Variants in LMAN2 observed in about 807,000 individuals in gnomAD.
The protein encoded by LMAN2 is lectin, mannose binding 2.
LMAN2 carries 22 observed loss-of-function variants against 39.3 expected under a neutral mutation model. That is an observed-to-expected ratio of 0.56 (90% CI 0.40 to 0.80). The LOEUF (loss-of-function observed/expected upper bound fraction) is 0.80. LMAN2 is among the 30% of genes least tolerant of loss of function. The pLI, the probability that LMAN2 is intolerant of heterozygous loss-of-function variation, is 0.00. For missense variants in LMAN2, 494 were observed against 505.4 expected (o/e 0.98, Z 0.22); for synonymous variants, 207 against 207.8 (o/e 1.00, Z 0.03).
Position 177,337,120 on chromosome 5 carries a change from G to T in LMAN2, c.790+16C>A. On this transcript the variant is annotated intron_variant, in intron 6 of 7. Coordinates refer to ENST00000303127, the MANE Select transcript of LMAN2 (RefSeq NM_006816.3). This position sits in a 1 kb window ranked among gnomAD's most constrained non-coding sequence, Gnocchi z 8.2. Reference sequence around the variant, plus strand: ...TGAGCTGGGCTGGGAACCAACGCCTGGCCCGGCCCACTCACCAGACAGGTC... The same window carrying T: ...TGAGCTGGGCTGGGAACCAACGCCTTGCCCGGCCCACTCACCAGACAGGTC... The T allele has an allele frequency of 6.3e-7, 1 of 1,595,554 alleles. No individual in the cohort carries two copies. The highest frequency in any genetic ancestry group is 8.6e-7 in the Non-Finnish European group (1 of 1,165,854).
Position 177,332,452 on chromosome 5 carries a change from G to A in LMAN2, c.911-206C>T, listed in dbSNP as rs1761403767. Among the ~76,000 whole-genome samples the A allele has an allele frequency of 6.6e-6, 1 of 152,152 alleles. No individual in the cohort carries two copies. The highest frequency in any genetic ancestry group is 2.4e-5 in the African/African-American group (1 of 41,426). The stretch of plus-strand genomic sequence containing the variant: ...CCCAGGGCAGGGTGGGGCAGAGAGA[G>A]GACCAAGCCCACAGGGACCCGGGAC... On this transcript the variant is annotated intron_variant, in intron 7 of 7. Coordinates refer to ENST00000303127, the MANE Select transcript of LMAN2 (RefSeq NM_006816.3). This position sits in a 1 kb window ranked among gnomAD's most constrained non-coding sequence, Gnocchi z 6.3.
intron 1 of LMAN2, 59 bp downstream of exon 1, chr5:177,351,393 C>A (rs1194762785): frequency 3.6e-5 from 57 of 1,604,046 alleles, no homozygotes; most frequent in Non-Finnish European, 4.7e-5. Flanking sequence ...GCACGCCTTC[C>A]CCTAGCCCTG....
intron 2 of LMAN2, among the ~76,000 whole-genome samples, chr5:177,343,609 A>C (rs974474618): frequency 2.1e-5 from 3 of 144,482 alleles, no homozygotes; most frequent in Admixed American, 6.7e-5. Flanking sequence ...ATTACTCAGC[A>C]ACAAAAAGGA....
chr5:177,337,403 T>A lies in LMAN2; in HGVS notation c.635A>T (p.Asp212Val). 6.2e-7 allele frequency: 1 copy of A among 1,612,782 alleles called. No homozygotes were observed. The highest frequency in any genetic ancestry group is 1.1e-5 in the South Asian group (1 of 91,066). ...GGAGTAGCGCACAGCCAGGAAGGTG[T>A]CGTGATCGCGGTTGCGGAAGTCAGC... ...CTADFRNRDHDTFLAVRYSRG... is the reference protein window; with the variant it reads ...CTADFRNRDHVTFLAVRYSRG... Residue 212 changes from aspartate (D) to valine (V), a missense_variant, in exon 5 of 8, where the codon GAC becomes GTC. Physicochemically the swap from Asp to Val is radical, Grantham distance 152. Transcript: ENST00000303127. The surrounding 1 kb of genome is among the most constrained non-coding windows in gnomAD (Gnocchi z 8.2).
rs137981397 is a variant in LMAN2, at chr5:177,332,185, G to A, written c.972C>T (p.Phe324=). The part of the protein sequence containing the change: ...RSGPLTGWRV[F]LLLLCALLGI... ...CCAGGAGAGCGCACAGCAGCAGCAG[G>A]AACACCCGCCACCCCGTCAGGGGCC... Residue 324 remains phenylalanine (F), a synonymous_variant, in exon 8 of 8, where the codon TTC becomes TTT. Coordinates refer to ENST00000303127, the MANE Select transcript of LMAN2 (RefSeq NM_006816.3). This position sits in a 1 kb window ranked among gnomAD's most constrained non-coding sequence, Gnocchi z 6.3. 79 of 1,613,370 alleles carry A rather than the reference G, an allele frequency of 4.9e-5. 1 individual carries two copies. The African/African-American group carries it at 8.4e-4, about 17-fold the overall frequency.
At chr5:177,333,221 C>A (rs555970649) in intron 7 of LMAN2, among the ~76,000 whole-genome samples, 1 of 152,248 alleles carries the variant, frequency 6.6e-6, no homozygotes, top group East Asian at 1.9e-4. Flanking sequence ...CCCTGTCTGC[C>A]GCAGACCCTA....
At chr5:177,351,110 G>C in intron 2 of LMAN2, 63 bp downstream of exon 2, 1 of 1,449,102 alleles carries the variant, frequency 6.9e-7, no homozygotes, top group Non-Finnish European at 9.7e-7. Context: ...GGTCTCAGCT[G>C]CTCGGGAGGC....
chr5:177,332,131 G>A lies in LMAN2; in HGVS notation c.1026C>T (p.Ala342=), dbSNP rs373041696. 28 of 1,613,442 alleles carry A rather than the reference G, an allele frequency of 1.7e-5. No individual in the cohort carries two copies. Among genetic ancestry groups the A allele is most frequent in the Middle Eastern group, 3.3e-4 (2 of 6,076 alleles). The change falls in exon 8 of 8, where the codon GCC becomes GCT. Residue 342 remains alanine, a synonymous_variant. Coordinates refer to ENST00000303127, the MANE Select transcript of LMAN2 (RefSeq NM_006816.3). This position sits in a 1 kb window ranked among gnomAD's most constrained non-coding sequence, Gnocchi z 6.3. ...LGIVVCAVVG[A]VVFQKRQERN... ...GCTCCTGCCGCTTCTGGAACACCAC[G>A]GCCCCCACCACGGCGCAGACAACGA... is the stretch of plus-strand genomic sequence containing the variant.
Position 177,337,686 on chromosome 5 carries a change from A to G in LMAN2, c.513+20T>C. 6.2e-7 allele frequency: 1 copy of G among 1,612,374 alleles called. No homozygotes were observed. The highest frequency in any genetic ancestry group is 8.5e-7 in the Non-Finnish European group (1 of 1,178,644). The stretch of plus-strand genomic sequence containing the variant: ...CCCAGTCCTTCCTTTCCTGCTCAGC[A>G]GGATAGAGCAGGGGCCTACCTCAGT... On this transcript the variant is annotated intron_variant, in intron 4 of 7. Transcript: ENST00000303127. This position sits in a 1 kb window ranked among gnomAD's most constrained non-coding sequence, Gnocchi z 8.2.
rs761311698 is a variant in LMAN2, at chr5:177,335,632, C to G, written c.791-1229G>C. 4.9e-4 allele frequency among the ~76,000 whole-genome samples: 74 copies of G among 152,116 alleles called. 1 individual carries two copies. Among genetic ancestry groups the G allele is most frequent in the Non-Finnish European group, 1.6e-4 (11 of 68,006 alleles). On this transcript the variant is annotated intron_variant, in intron 6 of 7. Transcript: ENST00000303127. ...AGGAGGGAAACCAGCCAGGCGCGAG[C>G]TGGAAATGATGAAAGCTGGTTGGCA...
In LMAN2 at chr5:177,337,504, C is replaced by G; in HGVS notation, c.534G>C (p.Ser178=). Residue 178 remains serine, a synonymous_variant, in exon 5 of 8, where the codon TCG becomes TCC. Transcript: ENST00000303127. This position sits in a 1 kb window ranked among gnomAD's most constrained non-coding sequence, Gnocchi z 8.2. ...ETTERVFPYI[S]VMVNNGSLSY... ...ACAGGGAGCCATTGTTCACCATCAC[C>G]GAGATGTACGGGAACACGCGCTGGG... The G allele has an allele frequency of 6.2e-7, 1 of 1,614,104 alleles. No homozygotes were observed. The highest frequency in any genetic ancestry group is 1.1e-5 in the South Asian group (1 of 91,088).
chr5:177,350,160 G>C (rs936444162), intron 2 of LMAN2, among the ~76,000 whole-genome samples: 1 of 151,738 alleles, frequency 6.6e-6, no homozygotes, highest in African/African-American at 2.4e-5. Flanking sequence ...AGGAAGGAGA[G>C]GAGGAGCAGA....
intron 2 of LMAN2, among the ~76,000 whole-genome samples, chr5:177,345,304 G>A (rs1225283478): frequency 8.0e-6 from 1 of 124,292 alleles, no homozygotes; most frequent in Non-Finnish European, 1.6e-5. Context: ...TTACACCATT[G>A]CATTCCAGCC....
At chr5:177,334,449 A>G (rs1461225721) in intron 6 of LMAN2, 46 bp from the exon 7 acceptor site, 1 of 1,584,012 alleles carries the variant, frequency 6.3e-7, no homozygotes, top group East Asian at 2.2e-5. Context: ...GGCCAGCCGC[A>G]GGGCACGTGG....
At chr5:177,344,281 C>CTT (rs59101629) in intron 2 of LMAN2, among the ~76,000 whole-genome samples, 91 of 82,314 alleles carry the variant, frequency 1.1e-3, no homozygotes, top group East Asian at 2.2e-3. Flanking sequence ...CGCTTTGTTA[C>CTT]TTTTTTTTTT....
rs191346106 is a variant in LMAN2, at chr5:177,342,874, T to C, written c.316-4269A>G. Among the ~76,000 whole-genome samples, 7 of 151,154 alleles carry C rather than the reference T, an allele frequency of 4.6e-5. No homozygotes were observed. The East Asian group carries it at 1.4e-3, about 29-fold the overall frequency. Reference sequence around the variant, plus strand: ...AATTTTTGTACATCAAAGAGCATGATCAAGAGGGTGAAAAGACAACCCACA... The same window carrying C: ...AATTTTTGTACATCAAAGAGCATGACCAAGAGGGTGAAAAGACAACCCACA... On this transcript the variant is annotated intron_variant, in intron 2 of 7. Coordinates refer to ENST00000303127, the MANE Select transcript of LMAN2 (RefSeq NM_006816.3).
intron 2 of LMAN2, among the ~76,000 whole-genome samples, chr5:177,343,590 CA>C (rs1761591197): frequency 7.3e-6 from 1 of 137,106 alleles, no homozygotes; most frequent in Non-Finnish European, 1.5e-5. Context: ...CACACACACA[CA>C]CACGAATATT....
rs75040051 is a variant in LMAN2, at chr5:177,332,691, C to G, written c.911-445G>C. 6.6e-6 allele frequency among the ~76,000 whole-genome samples: 1 copy of G among 152,272 alleles called. No homozygotes were observed. The highest frequency in any genetic ancestry group is 6.5e-5 in the Admixed American group (1 of 15,302). On this transcript the variant is annotated intron_variant, in intron 7 of 7. Transcript: ENST00000303127. This position sits in a 1 kb window ranked among gnomAD's most constrained non-coding sequence, Gnocchi z 6.3. ...CAGCTGGATGCTCTCGGCAGCCCCC[C>G]AGGAGGGTCTCCCAGGACCTGAGTC...
intron 2 of LMAN2, among the ~76,000 whole-genome samples, chr5:177,345,691 C>T (rs994622847): frequency 8.5e-5 from 13 of 152,058 alleles, no homozygotes; most frequent in African/African-American, 2.7e-4. Context: ...TTTGCTCTGG[C>T]TGAGGAACAA....
Sources: gnomAD v4.1 joint callset for allele counts (sites outside exome capture counted in the v4.1 genomes callset) on GRCh38, gnomAD v4.1.1 for gene constraint, Gnocchi (gnomAD v3.1) non-coding constraint, MANE v1.5 for transcripts, NCBI Gene and HGNC (gene_info 2026-07-23, HGNC 2026-07-21) for gene names.